Variants in ACACA observed in about 807,000 individuals in gnomAD.
The protein encoded by ACACA is acetyl-CoA carboxylase 1.
In ACACA, 103 loss-of-function variants were observed where a neutral mutation model predicts 296.1. The ratio of observed to expected loss-of-function variants is 0.35; its 90% CI spans 0.30 to 0.41. ACACA has a LOEUF of 0.41. Among genes scored for constraint, ACACA ranks in the 10% least tolerant of loss-of-function variants. The pLI is 1.00. For missense variants in ACACA, 1,554 were observed against 2,989.7 expected (o/e 0.52, Z 11.20); for synonymous variants, 953 against 1,038.6 (o/e 0.92, Z 1.58).
chr17:37,152,420 T>G (rs1367104149), intron 43 of ACACA, among the ~76,000 whole-genome samples: 2 of 152,166 alleles, frequency 1.3e-5, no homozygotes, highest in East Asian at 1.9e-4. Flanking sequence ...TCAGCTTAGT[T>G]TCTCAAGTCA....
intron 1 of ACACA, among the ~76,000 whole-genome samples, chr17:37,405,267 T>A (rs1346221760): frequency 6.6e-6 from 1 of 152,222 alleles, no homozygotes; most frequent in Non-Finnish European, 1.5e-5. Flanking sequence ...CTTGCCACAT[T>A]ACTGGGCATT....
chr17:37,329,537 AG>A (rs754340811), intron 3 of ACACA, among the ~76,000 whole-genome samples: 1 of 151,600 alleles, frequency 6.6e-6, no homozygotes, highest in African/African-American at 2.4e-5. Flanking sequence ...GCTATTCAGG[AG>A]GCTGAGGCAG....
chr17:37,254,026 G>A (rs537493045), intron 14 of ACACA, among the ~76,000 whole-genome samples: 1 of 152,208 alleles, frequency 6.6e-6, no homozygotes, highest in Admixed American at 6.5e-5. Context: ...GGGCTTTTCT[G>A]TATATTTATG....
At chr17:37,304,786 T>G (rs1230257705) in intron 3 of ACACA, among the ~76,000 whole-genome samples, 1 of 131,802 alleles carries the variant, frequency 7.6e-6, no homozygotes, top group Non-Finnish European at 1.6e-5. Flanking sequence ...CGAAACTCTG[T>G]CTCAAAAAAA....
intron 41 of ACACA, among the ~76,000 whole-genome samples, chr17:37,167,345 T>C (rs1002676363): frequency 1.3e-5 from 2 of 150,062 alleles, no homozygotes; most frequent in African/African-American, 4.9e-5. Flanking sequence ...GATCTTGGCT[T>C]GCTGCAACCT....
rs745777494 is a variant in ACACA at position 37,122,601 on chromosome 17, A to G, written c.6068T>C (p.Val2023Ala). 2 of 1,614,226 alleles carry G rather than the reference A, an allele frequency of 1.2e-6. No individual in the cohort carries two copies. Among genetic ancestry groups the G allele is most frequent in the South Asian group, 1.1e-5 (1 of 91,086 alleles). The change falls in exon 49 of 56, where the codon GTT (valine) becomes GCT (alanine). Residue 2023 changes from valine to alanine, a missense_variant. Val to Ala is a moderately conservative substitution (Grantham distance 64, BLOSUM62 0). Around this residue, in one of 16 missense-constraint regions of ACACA, gnomAD observed 553 missense variants for 1,043.6 expected, o/e 0.53. Coordinates refer to ENST00000616317, the MANE Select transcript of ACACA (RefSeq NM_198834.3). ...TTCTACTGTTCGGGTTTCTACAGCAACAACTCCCACAGGTATTCCTCCTAG... is the reference window on the plus strand; with the variant it reads ...TTCTACTGTTCGGGTTTCTACAGCAGCAACTCCCACAGGTATTCCTCCTAG... The part of the protein sequence containing the change: ...ARLGGIPVGV[V>A]AVETRTVELS...
At position 37,365,590 on chromosome 17, in the gene ACACA, T is replaced by C. The variant is rs1456193900; in HGVS notation, c.39-25740A>G. ...GCCTTGCCCACAACTGTGGCTCCAG[T>C]TGTGATATAAAAGAAAAATAAGACA... On this transcript the variant is annotated intron_variant, in intron 1 of 55. Coordinates refer to ENST00000616317, the MANE Select transcript of ACACA (RefSeq NM_198834.3). 5.1e-6 allele frequency: 5 copies of C among 985,340 alleles called. No homozygotes were observed. The East Asian group carries it at 3.4e-4, about 67-fold the overall frequency. 61.0% of individuals were successfully genotyped at this position (985,340 alleles called of 1,614,324 possible). A position where few individuals can be genotyped will look rare whatever the true frequency, so the allele number is the denominator to read the frequency against.
At chr17:37,283,549 C>G in intron 4 of ACACA, 144 bp from the exon 5 acceptor site, 1 of 1,026,418 alleles carries the variant, frequency 9.7e-7, no homozygotes, top group Non-Finnish European at 1.4e-6. Context: ...CTGGTCCAGA[C>G]TGTTAGAAAC....
chr17:37,097,376 G>C lies in ACACA; in HGVS notation c.6721-210C>G, dbSNP rs1385535421. On this transcript the variant is annotated intron_variant, in intron 53 of 55. Transcript: ENST00000616317. This position sits in a 1 kb window ranked among gnomAD's most constrained non-coding sequence, Gnocchi z 4.8. ...TGTCTGCAGCACTGTGCACAGCCAT[G>C]GGCCTGGCTAATGCTGATCCCACAC... Among the ~76,000 whole-genome samples, 1 of 152,214 alleles carries C rather than the reference G, an allele frequency of 6.6e-6. No individual in the cohort carries two copies. Among genetic ancestry groups the C allele is most frequent in the Non-Finnish European group, 1.5e-5 (1 of 68,038 alleles).
chr17:37,390,319 T>TTATATATA (rs2050805035), intron 1 of ACACA, among the ~76,000 whole-genome samples: 1 of 55,054 alleles, frequency 1.8e-5, no homozygotes, highest in African/African-American at 1.0e-4. Flanking sequence ...TATATATATA[T>TTATATATA]ATATATATAT....
chr17:37,222,988 C>T (rs1468350459), intron 28 of ACACA, among the ~76,000 whole-genome samples: 1 of 152,186 alleles, frequency 6.6e-6, no homozygotes, highest in African/African-American at 2.4e-5. Flanking sequence ...CAGAGTCTCA[C>T]TTTCTTCTTA....
At chr17:37,335,795 C>G (rs1278096562) in intron 2 of ACACA, among the ~76,000 whole-genome samples, 1 of 152,188 alleles carries the variant, frequency 6.6e-6, no homozygotes, top group Non-Finnish European at 1.5e-5. Flanking sequence ...AACTCCCTAG[C>G]AGCAGTAGTC....
chr17:37,405,741 A>G (rs542138917), intron 1 of ACACA, among the ~76,000 whole-genome samples: 24 of 151,362 alleles, frequency 1.6e-4, no homozygotes, highest in African/African-American at 2.7e-4. Context: ...TTTAGTAGAG[A>G]CGGGATTTCA....
rs139632386 is a variant in ACACA at position 37,206,835 on chromosome 17, T to C, written c.3896A>G (p.Gln1299Arg). Residue 1299 changes from glutamine to arginine, a missense_variant, in exon 32 of 56, where the codon CAG becomes CGG. Gln to Arg is a conservative substitution (Grantham distance 43). Around this residue, in one of 16 missense-constraint regions of ACACA, gnomAD observed 179 missense variants for 283.2 expected, o/e 0.63. Transcript: ENST00000616317. ...VMGCFSDSPP[Q>R]SPTFPEAGHT... is the part of the protein sequence containing the mutation. The stretch of plus-strand genomic sequence containing the variant: ...ACCTGCCTCAGGGAATGTGGGACTC[T>C]GGGGTGGGGAGTCAGAGAAGCAGCC... 7 of 1,613,772 alleles carry C rather than the reference T, an allele frequency of 4.3e-6. No individual in the cohort carries two copies. The highest frequency in any genetic ancestry group is 1.3e-5 in the African/African-American group (1 of 74,894).
At chr17:37,400,510 G>A (rs140308252) in intron 1 of ACACA, among the ~76,000 whole-genome samples, 237 of 152,104 alleles carry the variant, frequency 1.6e-3, no homozygotes, top group African/African-American at 5.5e-3. Context: ...TGTATCCTTT[G>A]GCCAAAATCT....
At chr17:37,359,440 C>T (rs1472115741) in intron 1 of ACACA, among the ~76,000 whole-genome samples, 1 of 151,368 alleles carries the variant, frequency 6.6e-6, no homozygotes, top group East Asian at 1.9e-4. Context: ...GCGGGCGGGC[C>T]CTGGGCAGTC....
At chr17:37,265,725 G>C (rs1461114461) in intron 10 of ACACA, among the ~76,000 whole-genome samples, 1 of 152,114 alleles carries the variant, frequency 6.6e-6, no homozygotes, top group African/African-American at 2.4e-5. Context: ...GTTTTGTTTT[G>C]TTTTGTTTTT....
intron 45 of ACACA, among the ~76,000 whole-genome samples, chr17:37,146,072 C>T (rs1277479461): frequency 6.6e-6 from 1 of 151,992 alleles, no homozygotes; most frequent in East Asian, 1.9e-4. Flanking sequence ...ACAGAAAAAC[C>T]ACCAAAAGTA....
At chr17:37,225,429 C>A in intron 26 of ACACA, 1 of 280,968 alleles carries the variant, frequency 3.6e-6, no homozygotes, top group East Asian at 9.5e-5. Context: ...CTAGGGACTG[C>A]ATGACTAGCT....
Sources: gnomAD v4.1 joint callset for allele counts (sites outside exome capture counted in the v4.1 genomes callset) on GRCh38, gnomAD v4.1.1 for gene constraint, gnomAD v4.1.1 regional missense constraint, Gnocchi (gnomAD v3.1) non-coding constraint, MANE v1.5 for transcripts, NCBI Gene and HGNC (gene_info 2026-07-23, HGNC 2026-07-21) for gene names.